Variants in SLC17A5 observed in about 807,000 individuals in gnomAD.
SLC17A5 encodes solute carrier family 17 member 5, also known as sialin.
SLC17A5 carries 47 observed loss-of-function variants against 59.4 expected under a neutral mutation model. That is an observed-to-expected ratio of 0.79 (90% CI 0.63 to 1.01). The LOEUF (loss-of-function observed/expected upper bound fraction) is 1.01. SLC17A5 is among the 50% of genes least tolerant of loss of function. SLC17A5 has a pLI of 0.00. For missense variants in SLC17A5, 522 were observed against 595.5 expected (o/e 0.88, Z 1.28); for synonymous variants, 202 against 210.7 (o/e 0.96, Z 0.36).
chr6:73,610,484 G>T lies in SLC17A5; in HGVS notation c.1175C>A (p.Ala392Asp). The T allele has an allele frequency of 6.2e-7, 1 of 1,614,130 alleles. No individual in the cohort carries two copies. Among genetic ancestry groups the T allele is most frequent in the Non-Finnish European group, 8.5e-7 (1 of 1,180,016 alleles). ...AGFIGCDYSL[A>D]VAFLTISTTL... The stretch of plus-strand genomic sequence containing the variant: ...TGTTGATATAGTTAGGAAAGCAACG[G>T]CCAAAGAATAATCACAGCCAATGAA... The change falls in exon 9 of 11, where the codon GCC becomes GAC. Residue 392 changes from alanine (A) to aspartate (D), a missense_variant. Physicochemically the swap from Ala to Asp is moderately radical, Grantham distance 126. This residue lies in a region of SLC17A5 where 153 missense variants were observed against 168.5 expected (regional missense o/e 0.91). Transcript: ENST00000355773.
intron 10 of SLC17A5, among the ~76,000 whole-genome samples, chr6:73,595,916 GTATATATATA>G: frequency 1.4e-3 from 1 of 722 alleles, no homozygotes; most frequent in South Asian, 0.031. Flanking sequence ...ATATATATAC[GTATATATATA>G]CATATACATA....
intron 2 of SLC17A5, among the ~76,000 whole-genome samples, chr6:73,643,478 A>T (rs143524588): frequency 4.3e-5 from 4 of 93,128 alleles, no homozygotes; most frequent in South Asian, 2.9e-4. Context: ...ATTATTTTTT[A>T]TTTATTTATT....
chr6:73,636,799 G>A (rs1328765260), intron 4 of SLC17A5, 92 bp from the exon 5 acceptor site: 3 of 942,646 alleles, frequency 3.2e-6, no homozygotes, highest in Admixed American at 1.8e-5. Context: ...ATGGGTAACA[G>A]GCTGGGCACA....
intron 7 of SLC17A5, among the ~76,000 whole-genome samples, chr6:73,616,150 C>T (rs1767850533): frequency 6.6e-6 from 1 of 152,076 alleles, no homozygotes; most frequent in South Asian, 2.1e-4. Flanking sequence ...TCCCAAAGTA[C>T]TGGGATTACA....
chr6:73,630,771 G>C (rs1581978416), intron 6 of SLC17A5, among the ~76,000 whole-genome samples: 1 of 152,174 alleles, frequency 6.6e-6, no homozygotes, highest in African/African-American at 2.4e-5. Flanking sequence ...GTCAGGCCGG[G>C]TGTGGTGGCT....
At chr6:73,640,423 T>A (rs190609073) in intron 3 of SLC17A5, among the ~76,000 whole-genome samples, 17 of 152,348 alleles carry the variant, frequency 1.1e-4, no homozygotes, top group African/African-American at 4.1e-4. Flanking sequence ...TTATATCTAA[T>A]CTGTGACTGA....
chr6:73,644,070 A>G (rs2150120489), intron 2 of SLC17A5, among the ~76,000 whole-genome samples: 1 of 152,310 alleles, frequency 6.6e-6, no homozygotes, highest in Middle Eastern at 3.4e-3. Flanking sequence ...TAGGGTTATA[A>G]ATAATACTCC....
intron 6 of SLC17A5, among the ~76,000 whole-genome samples, chr6:73,629,252 G>A (rs1267100722): frequency 6.6e-6 from 1 of 152,022 alleles, no homozygotes; most frequent in Non-Finnish European, 1.5e-5. Context: ...GCCAGGCTTT[G>A]TGGTACACAC....
intron 7 of SLC17A5, among the ~76,000 whole-genome samples, chr6:73,617,106 A>G (rs186989895): frequency 5.1e-4 from 78 of 151,880 alleles, no homozygotes; most frequent in African/African-American, 1.3e-3. Flanking sequence ...CCTGGTCAAC[A>G]TGGCAAAACC....
At chr6:73,619,965 C>T (rs966346757) in intron 7 of SLC17A5, among the ~76,000 whole-genome samples, 1 of 147,856 alleles carries the variant, frequency 6.8e-6, no homozygotes, top group African/African-American at 2.5e-5. Flanking sequence ...GCTCTGTTGC[C>T]CAGGCTGGAG....
intron 9 of SLC17A5, 94 bp from the exon 10 acceptor site, chr6:73,600,535 G>C: frequency 3.1e-6 from 3 of 959,658 alleles, no homozygotes; most frequent in Non-Finnish European, 4.7e-6. Context: ...TTGAGACAGA[G>C]TCTCACTCTG....
At chr6:73,649,437 T>G (rs187938792) in intron 1 of SLC17A5, among the ~76,000 whole-genome samples, 3 of 152,124 alleles carry the variant, frequency 2.0e-5, no homozygotes, top group Non-Finnish European at 2.9e-5. Flanking sequence ...AAACCCCATC[T>G]CTACAAAAAA....
intron 2 of SLC17A5, among the ~76,000 whole-genome samples, chr6:73,643,538 G>C (rs539631236): frequency 9.9e-5 from 15 of 151,996 alleles, no homozygotes; most frequent in Non-Finnish European, 2.1e-4. Flanking sequence ...GTGGAATGGC[G>C]TGATCTCGGC....
intron 7 of SLC17A5, among the ~76,000 whole-genome samples, chr6:73,620,475 C>T (rs1170645512): frequency 6.6e-6 from 1 of 152,084 alleles, no homozygotes; most frequent in African/African-American, 2.4e-5. Flanking sequence ...TTGCCAAAGC[C>T]TAGTTTCAAT....
At chr6:73,610,164 G>C (rs1767582797) in intron 9 of SLC17A5, among the ~76,000 whole-genome samples, 1 of 151,928 alleles carries the variant, frequency 6.6e-6, no homozygotes, top group East Asian at 1.9e-4. Context: ...CTCCTAAGTA[G>C]CTGGGATTAC....
Position 73,653,977 on chromosome 6 carries a change from C to G in SLC17A5, c.-91G>C, listed in dbSNP as rs1345659580. ...AGCCCCCGGGCCGAGCTGGCTGGACCGGGCGGGGCGGGGGCGATGACACCG... is the reference window on the plus strand; with the variant it reads ...AGCCCCCGGGCCGAGCTGGCTGGACGGGGCGGGGCGGGGGCGATGACACCG... On this transcript the variant is annotated 5_prime_UTR_variant, in exon 1 of 11. Transcript: ENST00000355773. 8.4e-6 allele frequency: 9 copies of G among 1,068,634 alleles called. No individual in the cohort carries two copies. Among genetic ancestry groups the G allele is most frequent in the Non-Finnish European group, 1.2e-5 (9 of 751,160 alleles). 66.2% of individuals were successfully genotyped at this position (1,068,634 alleles called of 1,614,324 possible). A position where few individuals can be genotyped will look rare whatever the true frequency, so the allele number is the denominator to read the frequency against.
intron 10 of SLC17A5, among the ~76,000 whole-genome samples, chr6:73,596,341 CAGAG>C (rs776520606): frequency 6.6e-6 from 1 of 152,044 alleles, no homozygotes; most frequent in Non-Finnish European, 1.5e-5. Flanking sequence ...TCTGTGACAT[CAGAG>C]AGAGGCCTGG....
intron 5 of SLC17A5, among the ~76,000 whole-genome samples, chr6:73,636,283 G>GAAAAAAA (rs58330140): frequency 4.2e-5 from 4 of 95,582 alleles, no homozygotes; most frequent in East Asian, 2.9e-4. Context: ...TAAGTAAAAA[G>GAAAAAAA]AAAAAAAAAA....
intron 10 of SLC17A5, among the ~76,000 whole-genome samples, chr6:73,595,588 A>G (rs1175888902): frequency 6.6e-6 from 1 of 152,150 alleles, no homozygotes; most frequent in Non-Finnish European, 1.5e-5. Context: ...AAATAGGAGG[A>G]AATGGTACCT....
Sources: allele counts gnomAD v4.1 joint callset (sites outside exome capture counted in the v4.1 genomes callset), GRCh38; gene constraint gnomAD v4.1.1; regional missense constraint gnomAD v4.1.1; transcripts MANE v1.5; gene names NCBI Gene and HGNC (gene_info 2026-07-23, HGNC 2026-07-21).